Variants in UIMC1 observed in about 807,000 individuals in gnomAD.
UIMC1 encodes ubiquitin interaction motif containing 1, also known as BRCA1-A complex subunit RAP80.
A neutral mutation model predicts 84.9 loss-of-function variants in UIMC1; 42 were observed. The observed-to-expected ratio is 0.49, with a 90% confidence interval of 0.39 to 0.64. The LOEUF (loss-of-function observed/expected upper bound fraction) is 0.64, where lower values mean the gene tolerates loss of function less well. Among genes scored for constraint, UIMC1 ranks in the 30% least tolerant of loss-of-function variants. The probability of loss-of-function intolerance (pLI) is 0.00; values close to 1 mark genes in which losing one functional copy is unlikely to be tolerated. For missense variants in UIMC1, 825 were observed against 847.6 expected, an observed-to-expected ratio of 0.97 and a Z score of 0.33; for synonymous variants, 281 against 293.0, an observed-to-expected ratio of 0.96 and a Z score of 0.42.
At position 176,905,092 on chromosome 5, in the gene UIMC1, T is replaced by G; in HGVS notation, c.*190A>C. On this transcript the variant is annotated 3_prime_UTR_variant, in exon 15 of 15. Transcript: ENST00000511320. ...ACTGTAAGTAAATTCAAACAAACTG[T>G]TATAAAACAGAATACACAGTTGTCT... The G allele has an allele frequency of 1.9e-6, 1 of 517,394 alleles. No individual in the cohort carries two copies. Among genetic ancestry groups the G allele is most frequent in the Non-Finnish European group, 3.4e-6 (1 of 298,104 alleles). 32.1% of individuals were successfully genotyped at this position (517,394 alleles called of 1,614,324 possible).
chr5:176,915,662 G>T (rs1043317126), intron 10 of UIMC1, among the ~76,000 whole-genome samples: 1 of 151,508 alleles, frequency 6.6e-6, no homozygotes, highest in Non-Finnish European at 1.5e-5. Context: ...CACCATCTTG[G>T]GCAGGCTGGT....
intron 1 of UIMC1, among the ~76,000 whole-genome samples, chr5:176,995,832 A>G (rs1773526212): frequency 7.4e-6 from 1 of 135,300 alleles, no homozygotes; most frequent in African/African-American, 2.8e-5. Flanking sequence ...AACAAGAGTG[A>G]AACTCCATCT....
At chr5:176,957,904 TA>T (rs1766805666) in intron 7 of UIMC1, among the ~76,000 whole-genome samples, 188 bp downstream of exon 7, 1 of 152,242 alleles carries the variant, frequency 6.6e-6, no homozygotes, top group South Asian at 2.1e-4. Flanking sequence ...CAGCTCTTAA[TA>T]TTCTGGGCTT....
intron 10 of UIMC1, among the ~76,000 whole-genome samples, chr5:176,927,280 G>A (rs1280731732): frequency 6.6e-6 from 1 of 150,764 alleles, no homozygotes. Context: ...TGGAGATGGA[G>A]TCTCACTCTG....
chr5:176,919,991 A>T (rs1761499832), intron 10 of UIMC1, among the ~76,000 whole-genome samples: 1 of 152,096 alleles, frequency 6.6e-6, no homozygotes, highest in African/African-American at 2.4e-5. Context: ...TCAATTTACA[A>T]AAAAAAGTTA....
At chr5:176,987,175 G>T (rs371681848) in intron 1 of UIMC1, among the ~76,000 whole-genome samples, 1 of 151,998 alleles carries the variant, frequency 6.6e-6, no homozygotes, top group Non-Finnish European at 1.5e-5. Flanking sequence ...ACCCAAGATC[G>T]TGCCATTGGC....
In UIMC1 at chr5:176,982,458, A is replaced by T. The variant is rs1367619945; in HGVS notation, c.147+11T>A. 1 of 1,606,780 alleles carries T rather than the reference A, an allele frequency of 6.2e-7. No individual in the cohort carries two copies. The highest frequency in any genetic ancestry group is 1.1e-5 in the South Asian group (1 of 89,490). Reference sequence around the variant, plus strand: ...AGCTACAGCTCTACTTTTCAGCTCTACTTCACTAACCTCTCCATCACTATC... The same window carrying T: ...AGCTACAGCTCTACTTTTCAGCTCTTCTTCACTAACCTCTCCATCACTATC... On this transcript the variant is annotated intron_variant, in intron 2 of 14. Coordinates refer to ENST00000511320, the MANE Select transcript of UIMC1 (RefSeq NM_001199298.2).
intron 4 of UIMC1, chr5:176,970,416 G>A (rs1192171069): frequency 2.8e-6 from 1 of 361,886 alleles, no homozygotes; most frequent in Admixed American, 4.0e-5. Context: ...CACAATACTA[G>A]AGAAGTTAGC....
At chr5:176,924,043 C>CA (rs1019231842) in intron 10 of UIMC1, among the ~76,000 whole-genome samples, 6 of 152,058 alleles carry the variant, frequency 3.9e-5, no homozygotes, top group African/African-American at 1.4e-4. Context: ...TCTGGCCGGG[C>CA]ACGGTGGCTC....
intron 2 of UIMC1, 121 bp downstream of exon 2, chr5:176,982,348 A>G: frequency 1.7e-6 from 2 of 1,177,122 alleles, no homozygotes; most frequent in Non-Finnish European, 2.4e-6. Context: ...AAGCTGAGTA[A>G]AAATTTCATG....
chr5:176,926,819 T>A (rs1762436348), intron 10 of UIMC1, among the ~76,000 whole-genome samples: 1 of 152,088 alleles, frequency 6.6e-6, no homozygotes, highest in Admixed American at 6.6e-5. Flanking sequence ...TATTTTTGTA[T>A]CTCATACTTC....
At chr5:176,909,800 C>T in intron 11 of UIMC1, among the ~76,000 whole-genome samples, 1 of 152,180 alleles carries the variant, frequency 6.6e-6, no homozygotes, top group East Asian at 1.9e-4. Context: ...TAATTCCCTA[C>T]TACATGAGAG....
chr5:176,956,618 C>T (rs1766632010), intron 7 of UIMC1, among the ~76,000 whole-genome samples: 1 of 152,214 alleles, frequency 6.6e-6, no homozygotes, highest in African/African-American at 2.4e-5. Flanking sequence ...TTCCTTCATC[C>T]AACCTTCTGG....
At chr5:177,011,362 G>C (rs1436011462), upstream of UIMC1, among the ~76,000 whole-genome samples, 1 of 151,904 alleles carries the variant, frequency 6.6e-6, no homozygotes, top group Non-Finnish European at 1.5e-5. Flanking sequence ...CTATAATCAT[G>C]CCTGTGAATA....
intron 2 of UIMC1, among the ~76,000 whole-genome samples, chr5:176,977,967 G>A (rs571712503): frequency 6.6e-6 from 1 of 151,798 alleles, no homozygotes; most frequent in South Asian, 2.1e-4. Flanking sequence ...AAAAACAAAC[G>A]TCTTCCTAAG....
chr5:176,982,134 G>T (rs1771152520), intron 2 of UIMC1, among the ~76,000 whole-genome samples: 1 of 152,232 alleles, frequency 6.6e-6, no homozygotes, highest in South Asian at 2.1e-4. Flanking sequence ...CATATCAAGA[G>T]ACTTAAGAAC....
exon 1 of UIMC1, chr5:177,022,575 G>A (rs1423098454): frequency 1.5e-6 from 1 of 677,746 alleles, no homozygotes; most frequent in Non-Finnish European, 2.3e-6. Context: ...ACGCTCTGAG[G>A]TACCAGAGGT....
At chr5:176,957,988 A>C (rs1766822901) in intron 7 of UIMC1, 105 bp downstream of exon 7, 12 of 1,055,202 alleles carry the variant, frequency 1.1e-5, no homozygotes, top group South Asian at 2.3e-5. Flanking sequence ...AAAAGAGCTA[A>C]AAGTTCTCTG....
At chr5:176,995,551 A>AG (rs1773480322) in intron 1 of UIMC1, among the ~76,000 whole-genome samples, 1 of 148,334 alleles carries the variant, frequency 6.7e-6, no homozygotes, top group East Asian at 2.0e-4. Context: ...AAAAAAAAAA[A>AG]AAAAAAAAAA....
Sources: allele counts gnomAD v4.1 joint callset (sites outside exome capture counted in the v4.1 genomes callset), GRCh38; gene constraint gnomAD v4.1.1; transcripts MANE v1.5; gene names NCBI Gene and HGNC (gene_info 2026-07-23, HGNC 2026-07-21).